The following KCNIP1 variants were observed in gnomAD, a reference collection of about 807,000 sequenced individuals.
KCNIP1 encodes potassium voltage-gated channel interacting protein 1, also known as A-type potassium channel modulatory protein KCNIP1.
In KCNIP1, 18 loss-of-function variants were observed where a neutral mutation model predicts 33.0. The ratio of observed to expected loss-of-function variants is 0.55; its 90% CI spans 0.38 to 0.81. KCNIP1 has a LOEUF of 0.81. Among genes scored for constraint, KCNIP1 ranks in the 30% least tolerant of loss-of-function variants. KCNIP1 has a pLI of 0.00. For missense variants in KCNIP1, 238 were observed against 271.6 expected (o/e 0.88, Z 0.87); for synonymous variants, 93 against 98.3 (o/e 0.95, Z 0.32).
chr5:170,600,724 C>A (rs752926021), intron 1 of KCNIP1, among the ~76,000 whole-genome samples: 3 of 152,240 alleles, frequency 2.0e-5, no homozygotes, highest in Non-Finnish European at 2.9e-5. Context: ...GGCAGGACAG[C>A]AAATGGTTAG....
intron 5 of KCNIP1, among the ~76,000 whole-genome samples, chr5:170,726,795 C>T (rs1454571739): frequency 6.7e-6 from 1 of 149,416 alleles, no homozygotes; most frequent in Non-Finnish European, 1.5e-5. Flanking sequence ...CCTGTGGTCC[C>T]AGCTACTAGG....
At chr5:170,514,905 A>C (rs528250694) in intron 1 of KCNIP1, among the ~76,000 whole-genome samples, 1 of 152,208 alleles carries the variant, frequency 6.6e-6, no homozygotes, top group Admixed American at 6.5e-5. Context: ...GCCAAGTACC[A>C]CTCTAAGCGC....
At chr5:170,735,366 T>C (rs1227205833) in intron 7 of KCNIP1, among the ~76,000 whole-genome samples, 1 of 152,210 alleles carries the variant, frequency 6.6e-6, no homozygotes, top group Non-Finnish European at 1.5e-5. Flanking sequence ...ATATGACTTA[T>C]CAAAATTTGT....
chr5:170,399,400 T>C (rs1481627190), intron 1 of KCNIP1, among the ~76,000 whole-genome samples: 1 of 152,234 alleles, frequency 6.6e-6, no homozygotes, highest in East Asian at 1.9e-4. Flanking sequence ...CGCATTTTAT[T>C]AAACCAGAGG....
At chr5:170,452,871 T>C (rs1171796797) in intron 1 of KCNIP1, among the ~76,000 whole-genome samples, 1 of 152,184 alleles carries the variant, frequency 6.6e-6, no homozygotes, top group African/African-American at 2.4e-5. Flanking sequence ...TTGTACATCA[T>C]TACCACCCAG....
exon 1 of KCNIP1, chr5:170,353,878 T>C: frequency 6.2e-7 from 1 of 1,613,976 alleles, no homozygotes; most frequent in Admixed American, 1.7e-5. Context: ...TCCGCCACCA[T>C]GAGCGGCTGC....
chr5:170,398,921 A>G (rs1181549638), intron 1 of KCNIP1, among the ~76,000 whole-genome samples: 1 of 152,212 alleles, frequency 6.6e-6, no homozygotes, highest in Non-Finnish European at 1.5e-5. Context: ...AGACACCTAG[A>G]GTGGATTCTT....
At chr5:170,547,187 G>A (rs540637852) in intron 1 of KCNIP1, among the ~76,000 whole-genome samples, 14 of 152,218 alleles carry the variant, frequency 9.2e-5, no homozygotes, top group South Asian at 6.2e-4. Context: ...ATATTTCTCC[G>A]TCACAGGTTG....
chr5:170,681,491 A>G (rs1449213461), intron 1 of KCNIP1: 2 of 207,602 alleles, frequency 9.6e-6, no homozygotes, highest in East Asian at 2.1e-4. Flanking sequence ...ACACATCACA[A>G]TTCTCTCTGA....
intron 1 of KCNIP1, among the ~76,000 whole-genome samples, chr5:170,373,595 AT>A (rs1348520031): frequency 6.6e-6 from 1 of 152,162 alleles, no homozygotes; most frequent in Non-Finnish European, 1.5e-5. Context: ...AAAATAACAT[AT>A]TTTTTTGAAA....
At chr5:170,708,294 C>T (rs1763326910) in intron 1 of KCNIP1, among the ~76,000 whole-genome samples, 1 of 152,184 alleles carries the variant, frequency 6.6e-6, no homozygotes, top group Non-Finnish European at 1.5e-5. Flanking sequence ...GAAAAGATTA[C>T]ATCTTCAAAT....
rs7703264 is a variant in KCNIP1, at chr5:170,643,790, A to G, written c.62-74968A>G. ...ATCTGCAGGCAGCCATCAGGGCTCT[A>G]ATTGCAGCTGGCTGGGGGACCATGG... On this transcript the variant is annotated intron_variant, in intron 1 of 7. Transcript: ENST00000328939. Among the ~76,000 whole-genome samples the G allele has an allele frequency of 8.4e-3, 1,273 of 152,282 alleles. 11 individuals are homozygous for G. Among genetic ancestry groups the G allele is most frequent in the African/African-American group, 0.029 (1,213 of 41,542 alleles).
At chr5:170,665,072 A>G (rs1761651864) in intron 1 of KCNIP1, among the ~76,000 whole-genome samples, 1 of 152,286 alleles carries the variant, frequency 6.6e-6, no homozygotes, top group South Asian at 2.1e-4. Flanking sequence ...AGCGCGGGGA[A>G]TGGAAGCCCG....
intron 1 of KCNIP1, among the ~76,000 whole-genome samples, chr5:170,711,677 A>AT (rs1233725844): frequency 1.3e-5 from 2 of 152,132 alleles, no homozygotes; most frequent in African/African-American, 4.8e-5. Context: ...AACTCTCTAT[A>AT]TTTTCTGTGC....
At chr5:170,408,096 T>C (rs1755085007) in intron 1 of KCNIP1, among the ~76,000 whole-genome samples, 1 of 152,216 alleles carries the variant, frequency 6.6e-6, no homozygotes, top group Non-Finnish European at 1.5e-5. Context: ...TTAGAGTAGC[T>C]CATGAGATAA....
At chr5:170,383,593 C>T (rs1394252040) in intron 1 of KCNIP1, 4 of 1,474,844 alleles carry the variant, frequency 2.7e-6, no homozygotes, top group African/African-American at 1.4e-5. Flanking sequence ...TGATCTTTCT[C>T]AGCCTCGGGG....
At position 170,556,065 on chromosome 5, in the gene KCNIP1, G is replaced by A. The variant is rs1006419695; in HGVS notation, c.61+51432G>A. Among the ~76,000 whole-genome samples, 9 of 152,314 alleles carry A rather than the reference G, an allele frequency of 5.9e-5. 1 individual carries two copies. Among genetic ancestry groups the A allele is most frequent in the South Asian group, 2.1e-4 (1 of 4,824 alleles). ...ACAATCACAACAACTCAACCGTTTA[G>A]TGAACACAAAATATGTACGAGGCAC... is the stretch of plus-strand genomic sequence containing the variant. On this transcript the variant is annotated intron_variant, in intron 1 of 7. Transcript: ENST00000328939.
In KCNIP1 at chr5:170,597,818, T is replaced by A. The variant is rs1039742455; in HGVS notation, c.61+93185T>A. On this transcript the variant is annotated intron_variant, in intron 1 of 7. Coordinates refer to ENST00000328939, the MANE Select transcript of KCNIP1 (RefSeq NM_014592.4). ...ATATATATATATATATATATATATATATATATATATATGAAAGAAAGAAAG... is the reference window on the plus strand; with the variant it reads ...ATATATATATATATATATATATATAAATATATATATATGAAAGAAAGAAAG... 1.8e-3 allele frequency among the ~76,000 whole-genome samples: 48 copies of A among 27,318 alleles called. 1 individual carries two copies. The highest frequency in any genetic ancestry group is 0.014 in the South Asian group (12 of 880). 17.9% of individuals were successfully genotyped at this position (27,318 alleles called of 152,430 possible). A position where few individuals can be genotyped will look rare whatever the true frequency, so the allele number is the denominator to read the frequency against.
chr5:170,544,162 C>T (rs1756321292), intron 1 of KCNIP1, among the ~76,000 whole-genome samples: 1 of 152,026 alleles, frequency 6.6e-6, no homozygotes, highest in Non-Finnish European at 1.5e-5. Context: ...CCTGTAATAC[C>T]AGCACTTTGG....
Sources: allele counts gnomAD v4.1 joint callset (sites outside exome capture counted in the v4.1 genomes callset), GRCh38; gene constraint gnomAD v4.1.1; transcripts MANE v1.5; gene names NCBI Gene and HGNC (gene_info 2026-07-23, HGNC 2026-07-21).